DPYD: variants seen among roughly 807,000 people sequenced by gnomAD.
DPYD encodes the protein dihydropyrimidine dehydrogenase [NADP(+)].
Under a neutral mutation model 116.2 loss-of-function variants are expected in DPYD, and 109 were observed. The ratio of observed to expected loss-of-function variants is 0.94; its 90% CI spans 0.80 to 1.10. The LOEUF is 1.10. Ranked by LOEUF, DPYD falls within the 50% of genes least tolerant of loss-of-function variation. The pLI is 0.00. For missense variants in DPYD, 1,302 were observed against 1,254.5 expected, an observed-to-expected ratio of 1.04 and a Z score of -0.57; for synonymous variants, 440 against 432.0, an observed-to-expected ratio of 1.02 and a Z score of -0.23.
intron 20 of DPYD, among the ~76,000 whole-genome samples, chr1:97,131,073 CA>C (rs1399947935): frequency 6.6e-6 from 1 of 151,868 alleles, no homozygotes; most frequent in Admixed American, 6.6e-5. Context: ...GTAAAGGCAG[CA>C]CTTTACACAT....
intron 20 of DPYD, among the ~76,000 whole-genome samples, chr1:97,170,211 T>C (rs1039675288): frequency 2.6e-5 from 4 of 152,324 alleles, no homozygotes; most frequent in South Asian, 4.1e-4. Flanking sequence ...GTAAGGACTG[T>C]ATGAATGGAA....
chr1:97,105,810 A>T (rs1007139054), intron 20 of DPYD, among the ~76,000 whole-genome samples: 1 of 152,158 alleles, frequency 6.6e-6, no homozygotes, highest in South Asian at 2.1e-4. Context: ...TACAATCTTT[A>T]CAGTGAAGGA....
intron 5 of DPYD, among the ~76,000 whole-genome samples, chr1:97,719,186 A>G (rs980633948): frequency 1.5e-4 from 23 of 150,918 alleles, no homozygotes; most frequent in African/African-American, 5.6e-4. Flanking sequence ...AAAAAAAAAA[A>G]AAAGCAGCTG....
chr1:97,696,965 T>C (rs752065790), intron 6 of DPYD, among the ~76,000 whole-genome samples: 11 of 152,090 alleles, frequency 7.2e-5, no homozygotes, highest in East Asian at 3.8e-4. Context: ...AAGGGCAGCA[T>C]TGGCCTCACT....
At chr1:97,508,864 A>G (rs1271135974) in intron 13 of DPYD, among the ~76,000 whole-genome samples, 1 of 151,936 alleles carries the variant, frequency 6.6e-6, no homozygotes, top group East Asian at 1.9e-4. Flanking sequence ...TGAAAATTAT[A>G]TTGTGCAACT....
chr1:97,790,345 A>G (rs1274610699), intron 3 of DPYD, among the ~76,000 whole-genome samples: 1 of 152,230 alleles, frequency 6.6e-6, no homozygotes, highest in Non-Finnish European at 1.5e-5. Context: ...GAGGAATGAT[A>G]CTAATATTTT....
Position 97,249,407 on chromosome 1 carries a change from A to G in DPYD, c.2300-14413T>C, listed in dbSNP as rs567398390. ...AGGGGGGAGAAAAGAAAAGAAAAGA[A>G]AGGAAAAAAATGAAACCATGGCCTC... On this transcript the variant is annotated intron_variant, in intron 18 of 22. Transcript: ENST00000370192. Among the ~76,000 whole-genome samples, 5 of 152,250 alleles carry G rather than the reference A, an allele frequency of 3.3e-5. No homozygotes were observed. In the East Asian group the frequency reaches 9.6e-4, roughly 29 times the overall value.
At chr1:97,100,274 T>C (rs1650568684) in intron 20 of DPYD, among the ~76,000 whole-genome samples, 1 of 152,048 alleles carries the variant, frequency 6.6e-6, no homozygotes, top group African/African-American at 2.4e-5. Context: ...TTGGGGCATA[T>C]GAGGTATATG....
intron 2 of DPYD, 37 bp downstream of exon 2, chr1:97,883,227 A>C (rs754292232): frequency 1.3e-5 from 19 of 1,423,980 alleles, no homozygotes; most frequent in Non-Finnish European, 1.7e-5. Context: ...GGAGTGAGGT[A>C]ATTTTCAGCA....
At chr1:97,275,325 C>G (rs1316862312) in intron 18 of DPYD, among the ~76,000 whole-genome samples, 1 of 152,182 alleles carries the variant, frequency 6.6e-6, no homozygotes, top group Admixed American at 6.5e-5. Context: ...ATCACTCCCC[C>G]ATGGAGCTCC....
intron 2 of DPYD, among the ~76,000 whole-genome samples, chr1:97,858,689 G>T (rs960927535): frequency 1.3e-5 from 2 of 151,730 alleles, no homozygotes; most frequent in Non-Finnish European, 2.9e-5. Flanking sequence ...AAATAAACTG[G>T]TTTAAAAAAA....
intron 16 of DPYD, among the ~76,000 whole-genome samples, chr1:97,349,719 G>T (rs1258215307): frequency 6.6e-6 from 1 of 152,072 alleles, no homozygotes; most frequent in Non-Finnish European, 1.5e-5. Flanking sequence ...GTGTATATGT[G>T]CCACATTTTC....
intron 5 of DPYD, among the ~76,000 whole-genome samples, chr1:97,706,364 A>T (rs1571222617): frequency 6.6e-6 from 1 of 151,982 alleles, no homozygotes; most frequent in East Asian, 1.9e-4. Context: ...TATTATCAAC[A>T]TCCTCTCCAT....
intron 19 of DPYD, 110 bp from the exon 20 acceptor site, chr1:97,193,358 T>G (rs1658520813): frequency 8.0e-6 from 9 of 1,118,174 alleles, no homozygotes; most frequent in Non-Finnish European, 1.0e-5. Context: ...AGGCACTGTT[T>G]GAGGCATGAT....
At chr1:97,292,382 C>G (rs552160997) in intron 18 of DPYD, among the ~76,000 whole-genome samples, 5 of 152,080 alleles carry the variant, frequency 3.3e-5, no homozygotes, top group Non-Finnish European at 5.9e-5. Flanking sequence ...TCCTTCTTCA[C>G]GTGTTGGCAG....
At chr1:97,801,486 T>C (rs1667842366) in intron 3 of DPYD, among the ~76,000 whole-genome samples, 1 of 151,924 alleles carries the variant, frequency 6.6e-6, no homozygotes, top group Non-Finnish European at 1.5e-5. Context: ...ATTAAAGATT[T>C]TTAAAATGTA....
At chr1:97,235,056 T>C in intron 18 of DPYD, 62 bp from the exon 19 acceptor site, 6 of 1,588,022 alleles carry the variant, frequency 3.8e-6, no homozygotes, top group Non-Finnish European at 5.2e-6. Flanking sequence ...CTGTCTTATA[T>C]TACTTCTATT....
chr1:97,457,506 T>G (rs1676751585), intron 13 of DPYD, among the ~76,000 whole-genome samples: 1 of 152,150 alleles, frequency 6.6e-6, no homozygotes, highest in South Asian at 2.1e-4. Context: ...TTTTTTGACC[T>G]TCTCATCTGC....
rs139975688 is a variant in DPYD at position 97,482,100 on chromosome 1, G to C, written c.1741-31877C>G. Among the ~76,000 whole-genome samples the C allele has an allele frequency of 4.5e-4, 68 of 152,216 alleles. 1 individual carries two copies. In the East Asian group the frequency reaches 7.1e-3, roughly 16 times the overall value. On this transcript the variant is annotated intron_variant, in intron 13 of 22. Coordinates refer to ENST00000370192, the MANE Select transcript of DPYD (RefSeq NM_000110.4). ...AACAAAGTATATTATATGTCAACTT[G>C]ACAACAATTGAACAAGCGTAGTGCT... is the stretch of plus-strand genomic sequence containing the variant.
Sources: gnomAD v4.1 joint callset for allele counts (sites outside exome capture counted in the v4.1 genomes callset) on GRCh38, gnomAD v4.1.1 for gene constraint, MANE v1.5 for transcripts, NCBI Gene and HGNC (gene_info 2026-07-23, HGNC 2026-07-21) for gene names.